Variants in CPQ observed in about 807,000 individuals in gnomAD.
CPQ encodes the protein carboxypeptidase Q.
In CPQ, 37 loss-of-function variants were observed where a neutral mutation model predicts 45.7. The observed-to-expected ratio is 0.81, with a 90% confidence interval of 0.62 to 1.07. The LOEUF (loss-of-function observed/expected upper bound fraction) is 1.07, where lower values mean the gene tolerates loss of function less well. CPQ is among the 50% of genes least tolerant of loss of function. CPQ has a pLI of 0.00. For synonymous variants in CPQ, 186 were observed against 205.8 expected (o/e 0.90, Z 0.82); for missense variants, 537 against 572.9 (o/e 0.94, Z 0.64).
intron 1 of CPQ, among the ~76,000 whole-genome samples, chr8:96,780,589 TTTA>T (rs1312442530): frequency 6.6e-6 from 1 of 151,998 alleles, no homozygotes; most frequent in Non-Finnish European, 1.5e-5. Context: ...ATCTGAAATA[TTTA>T]TTTATTTTTC....
At chr8:97,107,799 A>C (rs890636498) in intron 7 of CPQ, among the ~76,000 whole-genome samples, 19 of 152,282 alleles carry the variant, frequency 1.2e-4, no homozygotes, top group African/African-American at 4.3e-4. Flanking sequence ...AAGATAAGAG[A>C]AATAACATGT....
chr8:96,856,283 T>G (rs1811849985), intron 3 of CPQ, among the ~76,000 whole-genome samples: 1 of 152,122 alleles, frequency 6.6e-6, no homozygotes, highest in African/African-American at 2.4e-5. Flanking sequence ...GGTGAGAAAT[T>G]ACGATAGCTG....
chr8:96,971,670 G>T (rs1242705786), intron 5 of CPQ, among the ~76,000 whole-genome samples: 7 of 152,144 alleles, frequency 4.6e-5, no homozygotes, highest in Admixed American at 4.6e-4. Context: ...AAGCTGTCCA[G>T]TCTGAAGCTG....
chr8:97,062,063 T>C (rs1475327888), intron 6 of CPQ, among the ~76,000 whole-genome samples: 2 of 152,172 alleles, frequency 1.3e-5, no homozygotes, highest in Non-Finnish European at 2.9e-5. Context: ...TCCTGTGACA[T>C]TGCACAATGG....
At chr8:97,042,187 T>C (rs1224442199) in intron 6 of CPQ, among the ~76,000 whole-genome samples, 1 of 152,224 alleles carries the variant, frequency 6.6e-6, no homozygotes, top group East Asian at 1.9e-4. Flanking sequence ...TATTCAGAGA[T>C]TCAACTTCTT....
rs148208359 is a variant in CPQ, at chr8:96,896,681, T to C, written c.849+16676T>C. 2.0e-3 allele frequency among the ~76,000 whole-genome samples: 308 copies of C among 152,276 alleles called. 3 individuals carry two copies. The highest frequency in any genetic ancestry group is 7.0e-3 in the African/African-American group (292 of 41,576). On this transcript the variant is annotated intron_variant, in intron 4 of 7. Coordinates refer to ENST00000220763, the MANE Select transcript of CPQ (RefSeq NM_016134.4). ...ACACCCATATACAATGTTTCTCTCT[T>C]CAGAACTTCCATAGGTCTCTTTTTT...
intron 7 of CPQ, among the ~76,000 whole-genome samples, chr8:97,102,306 A>T (rs1232768502): frequency 2.0e-5 from 3 of 152,126 alleles, no homozygotes; most frequent in African/African-American, 7.2e-5. Flanking sequence ...GTACCTAATT[A>T]CTAAGTCACC....
At chr8:97,012,227 G>A (rs1165203476) in intron 5 of CPQ, among the ~76,000 whole-genome samples, 4 of 152,140 alleles carry the variant, frequency 2.6e-5, no homozygotes, top group Non-Finnish European at 5.9e-5. Context: ...TTTCTGCACA[G>A]TTAATCCAAA....
intron 5 of CPQ, among the ~76,000 whole-genome samples, chr8:97,016,072 A>C (rs1400671672): frequency 1.3e-5 from 2 of 152,062 alleles, no homozygotes; most frequent in South Asian, 2.1e-4. Flanking sequence ...TATTCAGAAA[A>C]ATTATCAAAA....
chr8:97,061,127 A>T (rs1810543192), intron 6 of CPQ, among the ~76,000 whole-genome samples: 1 of 152,186 alleles, frequency 6.6e-6, no homozygotes, highest in South Asian at 2.1e-4. Flanking sequence ...AATAGAAATC[A>T]AACATTTCTA....
intron 6 of CPQ, among the ~76,000 whole-genome samples, chr8:97,029,785 T>C (rs533527267): frequency 2.6e-5 from 4 of 152,154 alleles, no homozygotes; most frequent in Non-Finnish European, 5.9e-5. Flanking sequence ...GCTGTATTCA[T>C]GTATGTCAGA....
chr8:96,663,816 CTG>C (rs1808885897), intron 1 of CPQ, among the ~76,000 whole-genome samples: 2 of 151,880 alleles, frequency 1.3e-5, no homozygotes, highest in African/African-American at 4.8e-5. Flanking sequence ...TGATAAGTCT[CTG>C]TGACTGGAAG....
intron 3 of CPQ, among the ~76,000 whole-genome samples, chr8:96,872,457 T>C (rs1489911838): frequency 6.6e-6 from 1 of 151,952 alleles, no homozygotes; most frequent in Non-Finnish European, 1.5e-5. Flanking sequence ...AGATTTTTAT[T>C]ATAATTTAGG....
chr8:96,922,660 C>T (rs1275874547), intron 4 of CPQ, among the ~76,000 whole-genome samples: 5 of 152,146 alleles, frequency 3.3e-5, no homozygotes, highest in Non-Finnish European at 7.4e-5. Flanking sequence ...TTACAGTTTT[C>T]AAACCAATGT....
chr8:97,134,040 C>G (rs1812005499), intron 7 of CPQ, among the ~76,000 whole-genome samples: 2 of 152,118 alleles, frequency 1.3e-5, no homozygotes, highest in Non-Finnish European at 2.9e-5. Flanking sequence ...TTGTCATTCT[C>G]CAAGGCAGAA....
rs376901251 is a variant in CPQ at position 97,055,907 on chromosome 8, C to T, written c.1054-10102C>T. On this transcript the variant is annotated intron_variant, in intron 6 of 7. Coordinates refer to ENST00000220763, the MANE Select transcript of CPQ (RefSeq NM_016134.4). ...CTGAGCCCAAAAGTTCAAGACCAGC[C>T]TGGGCAACCTGGCGAGACTTTTCCT... Among the ~76,000 whole-genome samples, 8 of 152,202 alleles carry T rather than the reference C, an allele frequency of 5.3e-5. No homozygotes were observed. In the East Asian group the frequency reaches 9.7e-4, roughly 18 times the overall value.
At chr8:96,882,515 G>T (rs1339228407) in intron 4 of CPQ, among the ~76,000 whole-genome samples, 1 of 152,174 alleles carries the variant, frequency 6.6e-6, no homozygotes, top group Non-Finnish European at 1.5e-5. Context: ...CTGTTTGGTC[G>T]AGCAGGCTGG....
At chr8:97,001,647 A>G (rs188831411) in intron 5 of CPQ, among the ~76,000 whole-genome samples, 3 of 150,114 alleles carry the variant, frequency 2.0e-5, no homozygotes, top group Admixed American at 2.0e-4. Context: ...TCAGTTTGAT[A>G]GTCTTTTGTT....
At chr8:96,944,902 T>G (rs1813169362) in intron 4 of CPQ, among the ~76,000 whole-genome samples, 1 of 152,122 alleles carries the variant, frequency 6.6e-6, no homozygotes, top group East Asian at 1.9e-4. Flanking sequence ...TGGATTGTAC[T>G]TCCTAGAGGG....
Sources: allele counts gnomAD v4.1 joint callset (sites outside exome capture counted in the v4.1 genomes callset), GRCh38; gene constraint gnomAD v4.1.1; transcripts MANE v1.5; gene names NCBI Gene and HGNC (gene_info 2026-07-23, HGNC 2026-07-21).